Variants in RTN4IP1 observed in about 807,000 individuals in gnomAD.
The protein encoded by RTN4IP1 is NAD(P)H oxidoreductase RTN4IP1, mitochondrial.
A neutral mutation model predicts 46.6 loss-of-function variants in RTN4IP1; 32 were observed. That is an observed-to-expected ratio of 0.69 (90% CI 0.52 to 0.92). The LOEUF (loss-of-function observed/expected upper bound fraction) is 0.92. Ranked by LOEUF, RTN4IP1 falls within the 40% of genes least tolerant of loss-of-function variation. The pLI is 0.00. For missense variants in RTN4IP1, 424 were observed against 485.8 expected (o/e 0.87, Z 1.20); for synonymous variants, 167 against 161.8 (o/e 1.03, Z -0.24).
At chr6:106,629,826 G>C (rs954502712), upstream of RTN4IP1, 28 of 1,214,350 alleles carry the variant, frequency 2.3e-5, no homozygotes, top group Non-Finnish European at 3.1e-5. Flanking sequence ...CTCTAGAACT[G>C]AGTGGGGGAT....
chr6:106,627,311 G>A (rs1482670447), intron 1 of RTN4IP1, among the ~76,000 whole-genome samples: 1 of 152,098 alleles, frequency 6.6e-6, no homozygotes, highest in Non-Finnish European at 1.5e-5. Flanking sequence ...AAATGTACAC[G>A]GCATGAATTA....
At chr6:106,580,862 A>G (rs1023228015) in intron 8 of RTN4IP1, among the ~76,000 whole-genome samples, 1 of 152,150 alleles carries the variant, frequency 6.6e-6, no homozygotes, top group Non-Finnish European at 1.5e-5. Context: ...CACTGTTTGC[A>G]AAAGACTGAA....
Position 106,571,852 on chromosome 6 carries a change from T to A in RTN4IP1, c.*144A>T, listed in dbSNP as rs1182341536. ...TTTTTATATCAATTACTGGCCAAAA[T>A]GGTGTGTTTATTTTTTAAAGCTTGT... On this transcript the variant is annotated 3_prime_UTR_variant, in exon 9 of 9. Transcript: ENST00000369063. 1 of 579,288 alleles carries A rather than the reference T, an allele frequency of 1.7e-6. No homozygotes were observed. Among genetic ancestry groups the A allele is most frequent in the Non-Finnish European group, 3.1e-6 (1 of 325,584 alleles). 35.9% of individuals were successfully genotyped at this position (579,288 alleles called of 1,614,324 possible). A position where few individuals can be genotyped will look rare whatever the true frequency, so the allele number is the denominator to read the frequency against.
At chr6:106,627,976 G>C (rs1249615438) in intron 1 of RTN4IP1, among the ~76,000 whole-genome samples, 3 of 143,756 alleles carry the variant, frequency 2.1e-5, no homozygotes, top group African/African-American at 7.7e-5. Context: ...GCTGAAGCAG[G>C]AGAATCGCTT....
At chr6:106,627,688 A>T (rs1032664572) in intron 1 of RTN4IP1, among the ~76,000 whole-genome samples, 6 of 150,838 alleles carry the variant, frequency 4.0e-5, no homozygotes, top group African/African-American at 1.5e-4. Context: ...CTACTTCAAA[A>T]CAAAGAATAC....
intron 8 of RTN4IP1, among the ~76,000 whole-genome samples, chr6:106,580,591 C>T (rs909224919): frequency 6.6e-5 from 10 of 151,704 alleles, no homozygotes; most frequent in African/African-American, 2.2e-4. Context: ...TGGTGGTGGG[C>T]ACCTGTAATC....
At chr6:106,629,742 C>T (rs1473975969), upstream of RTN4IP1, 2 of 1,589,666 alleles carry the variant, frequency 1.3e-6, no homozygotes, top group Non-Finnish European at 1.7e-6. Flanking sequence ...CCCGGGAGGG[C>T]GGAAAGTTTA....
chr6:106,625,724 C>T (rs759485840), intron 1 of RTN4IP1, among the ~76,000 whole-genome samples: 12 of 132,570 alleles, frequency 9.1e-5, no homozygotes, highest in African/African-American at 1.1e-4. Flanking sequence ...AGTGCAATGG[C>T]GTGATCTCGG....
chr6:106,584,979 T>G (rs1462608367), intron 7 of RTN4IP1, among the ~76,000 whole-genome samples: 1 of 152,230 alleles, frequency 6.6e-6, no homozygotes, highest in South Asian at 2.1e-4. Flanking sequence ...TGATGAGATA[T>G]TGACTCCCCT....
In RTN4IP1 at chr6:106,625,524, T is replaced by C. The variant is rs139415794; in HGVS notation, c.275-2555A>G. On this transcript the variant is annotated intron_variant, in intron 1 of 8. Coordinates refer to ENST00000369063, the MANE Select transcript of RTN4IP1 (RefSeq NM_032730.5). ...AGTGCACTTTTGAGAGAATGGGAAA[T>C]AAGGGACTGGAGACATGAGAAGACT... Among the ~76,000 whole-genome samples, 514 of 152,144 alleles carry C rather than the reference T, an allele frequency of 3.4e-3. 5 individuals carry two copies. Among genetic ancestry groups the C allele is most frequent in the African/African-American group, 0.012 (480 of 41,512 alleles).
At position 106,601,008 on chromosome 6, in the gene RTN4IP1, A is replaced by G. The variant is rs113653520; in HGVS notation, c.669+1866T>C. 1.3e-3 allele frequency among the ~76,000 whole-genome samples: 203 copies of G among 152,246 alleles called. 2 individuals are homozygous for G. The highest frequency in any genetic ancestry group is 4.8e-3 in the African/African-American group (198 of 41,512). On this transcript the variant is annotated intron_variant, in intron 5 of 8. Transcript: ENST00000369063. ...TGTTTAACATTTTGAGGACCCAAGA[A>G]ACTCTCCCACAATGTCTGCACCATT... is the stretch of plus-strand genomic sequence containing the variant.
Position 106,628,743 on chromosome 6 carries a change from C to G in RTN4IP1, c.274+5G>C. The G allele has an allele frequency of 1.9e-6, 3 of 1,594,430 alleles. No homozygotes were observed. Among genetic ancestry groups the G allele is most frequent in the Non-Finnish European group, 2.6e-6 (3 of 1,166,404 alleles). ...AAAAGGTAACAATGTCTTTTGAAAA[C>G]TTACTTCTCATATTAACGTCTATAG... On this transcript the variant is annotated splice_donor_5th_base_variant and intron_variant, in intron 1 of 8. Coordinates refer to ENST00000369063, the MANE Select transcript of RTN4IP1 (RefSeq NM_032730.5).
At chr6:106,580,980 T>TAA (rs11309802) in intron 8 of RTN4IP1, among the ~76,000 whole-genome samples, 107 of 137,454 alleles carry the variant, frequency 7.8e-4, no homozygotes, top group African/African-American at 2.3e-3. Flanking sequence ...CATATGCTGT[T>TAA]AAAAAAAAAA....
At chr6:106,627,107 C>T (rs1389443255) in intron 1 of RTN4IP1, among the ~76,000 whole-genome samples, 4 of 147,892 alleles carry the variant, frequency 2.7e-5, no homozygotes, top group Non-Finnish European at 4.4e-5. Context: ...CAGATATCTT[C>T]TGCAATGACA....
At position 106,599,606 on chromosome 6, in the gene RTN4IP1, C is replaced by T. The variant is rs1775891755; in HGVS notation, c.669+3268G>A. Among the ~76,000 whole-genome samples the T allele has an allele frequency of 2.6e-5, 4 of 152,046 alleles. No individual in the cohort carries two copies. The South Asian group carries it at 8.3e-4, about 31-fold the overall frequency. On this transcript the variant is annotated intron_variant, in intron 5 of 8. Coordinates refer to ENST00000369063, the MANE Select transcript of RTN4IP1 (RefSeq NM_032730.5). ...TCAACACTCGGTTGTGGTATTCATCCACTTCACTGTGTGCAATTATAGTTT... is the reference window on the plus strand; with the variant it reads ...TCAACACTCGGTTGTGGTATTCATCTACTTCACTGTGTGCAATTATAGTTT...
intron 7 of RTN4IP1, among the ~76,000 whole-genome samples, chr6:106,585,016 C>G (rs1226856937): frequency 6.6e-6 from 1 of 152,204 alleles, no homozygotes; most frequent in Non-Finnish European, 1.5e-5. Context: ...CAGGCAAAGC[C>G]AGGGCTGGTA....
chr6:106,630,244 C>G (rs1776792692), upstream of RTN4IP1, among the ~76,000 whole-genome samples: 1 of 152,182 alleles, frequency 6.6e-6, no homozygotes, highest in African/African-American at 2.4e-5. Flanking sequence ...TGAATGCTTT[C>G]TGGGCAGTTC....
At chr6:106,594,548 C>T (rs193211051) in intron 5 of RTN4IP1, among the ~76,000 whole-genome samples, 3 of 151,904 alleles carry the variant, frequency 2.0e-5, no homozygotes, top group African/African-American at 7.2e-5. Context: ...AGAAAGAAAA[C>T]AGCTATAGGG....
At position 106,605,942 on chromosome 6, in the gene RTN4IP1, T is replaced by C. The variant is rs554992201; in HGVS notation, c.621-3020A>G. 1.1e-4 allele frequency among the ~76,000 whole-genome samples: 17 copies of C among 151,594 alleles called. No individual in the cohort carries two copies. In the South Asian group the frequency reaches 3.5e-3, roughly 32 times the overall value. ...TAGATACATCTACAGGAAAAAGTAC[T>C]GGAAGTACTAGCCAGAGCAATTAAG... On this transcript the variant is annotated intron_variant, in intron 4 of 8. Coordinates refer to ENST00000369063, the MANE Select transcript of RTN4IP1 (RefSeq NM_032730.5).
Sources: allele counts gnomAD v4.1 joint callset (sites outside exome capture counted in the v4.1 genomes callset), GRCh38; gene constraint gnomAD v4.1.1; transcripts MANE v1.5; gene names NCBI Gene and HGNC (gene_info 2026-07-23, HGNC 2026-07-21).